The following CNTNAP5 variants were observed in gnomAD, a reference collection of about 807,000 sequenced individuals.
The protein encoded by CNTNAP5 is contactin-associated protein-like 5.
A neutral mutation model predicts 150.2 loss-of-function variants in CNTNAP5; 72 were observed. The observed-to-expected ratio is 0.48, with a 90% confidence interval of 0.40 to 0.58. The LOEUF (loss-of-function observed/expected upper bound fraction) is 0.58, where lower values mean the gene tolerates loss of function less well. Among genes scored for constraint, CNTNAP5 ranks in the 20% least tolerant of loss-of-function variants. The probability of loss-of-function intolerance (pLI) is 0.00; values close to 1 mark genes in which losing one functional copy is unlikely to be tolerated. For missense variants in CNTNAP5, 1,636 were observed against 1,626.2 expected (o/e 1.01, Z -0.10); for synonymous variants, 672 against 619.8 (o/e 1.08, Z -1.25).
chr2:124,573,238 G>T (rs1213325020), intron 11 of CNTNAP5, among the ~76,000 whole-genome samples: 1 of 152,194 alleles, frequency 6.6e-6, no homozygotes, highest in East Asian at 1.9e-4. Context: ...AGGAAGGAAT[G>T]CAGGGTGTAT....
At chr2:124,361,893 C>T (rs1014195201) in intron 3 of CNTNAP5, among the ~76,000 whole-genome samples, 15 of 141,802 alleles carry the variant, frequency 1.1e-4, no homozygotes, top group African/African-American at 2.2e-4. Flanking sequence ...CAATGGCGGG[C>T]GCCCCTCCCC....
chr2:124,178,000 C>T (rs1021514301), intron 1 of CNTNAP5, among the ~76,000 whole-genome samples: 9 of 152,026 alleles, frequency 5.9e-5, no homozygotes, highest in Non-Finnish European at 1.0e-4. Flanking sequence ...GCACCCACAA[C>T]CACGCCTAGC....
chr2:124,490,399 GAGAA>G (rs1212396262), intron 7 of CNTNAP5, among the ~76,000 whole-genome samples: 4 of 134,188 alleles, frequency 3.0e-5, no homozygotes, highest in South Asian at 2.8e-4. Flanking sequence ...GGGAGGGAGG[GAGAA>G]AGGAAGGAAG....
At chr2:124,834,159 T>G (rs940958351) in intron 19 of CNTNAP5, among the ~76,000 whole-genome samples, 2 of 152,184 alleles carry the variant, frequency 1.3e-5, no homozygotes, top group African/African-American at 4.8e-5. Flanking sequence ...AATAAATTGC[T>G]GATAAATTGG....
intron 8 of CNTNAP5, among the ~76,000 whole-genome samples, chr2:124,513,499 T>C (rs1215670898): frequency 6.6e-6 from 1 of 152,178 alleles, no homozygotes; most frequent in African/African-American, 2.4e-5. Flanking sequence ...TAAGCAACCA[T>C]GGAAACAAGT....
intron 1 of CNTNAP5, among the ~76,000 whole-genome samples, chr2:124,061,660 A>G (rs1019293538): frequency 1.3e-4 from 20 of 152,222 alleles, no homozygotes; most frequent in African/African-American, 4.6e-4. Flanking sequence ...ACACACACAC[A>G]TCATTGACAA....
At chr2:124,604,682 G>A (rs1697061346) in intron 11 of CNTNAP5, among the ~76,000 whole-genome samples, 1 of 152,096 alleles carries the variant, frequency 6.6e-6, no homozygotes, top group Non-Finnish European at 1.5e-5. Context: ...GTTTGTCTTT[G>A]GGCAAAGTAC....
intron 19 of CNTNAP5, among the ~76,000 whole-genome samples, chr2:124,837,820 G>T (rs956816379): frequency 6.6e-6 from 1 of 152,130 alleles, no homozygotes; most frequent in Non-Finnish European, 1.5e-5. Flanking sequence ...TTCTTTGGCT[G>T]CTGCCTACAT....
chr2:124,754,214 G>A (rs1024125856), intron 14 of CNTNAP5, among the ~76,000 whole-genome samples: 8 of 152,106 alleles, frequency 5.3e-5, no homozygotes, highest in Non-Finnish European at 1.0e-4. Flanking sequence ...AATTCTGAGA[G>A]AAATAACAAT....
intron 1 of CNTNAP5, among the ~76,000 whole-genome samples, chr2:124,205,119 C>T (rs1223525405): frequency 6.6e-6 from 1 of 152,102 alleles, no homozygotes; most frequent in Non-Finnish European, 1.5e-5. Context: ...TGACCGTGTC[C>T]CCACCCAAAT....
At chr2:124,490,378 AGAGG>A (rs35775977) in intron 7 of CNTNAP5, among the ~76,000 whole-genome samples, 27,435 of 130,062 alleles carry the variant, frequency 0.21, 3,192 homozygotes, top group East Asian at 0.36. Flanking sequence ...AGAAAGAAAG[AGAGG>A]GAGGGAGGGA....
chr2:124,090,695 G>T (rs987020007), intron 1 of CNTNAP5, among the ~76,000 whole-genome samples: 2 of 152,116 alleles, frequency 1.3e-5, no homozygotes, highest in African/African-American at 4.8e-5. Context: ...AAAGAAGAAG[G>T]AAGTAGGTAT....
At chr2:124,176,758 C>A (rs1204335633) in intron 1 of CNTNAP5, among the ~76,000 whole-genome samples, 1 of 151,310 alleles carries the variant, frequency 6.6e-6, no homozygotes, top group Non-Finnish European at 1.5e-5. Context: ...TCTTTCTGGG[C>A]ATGGGGCAGA....
chr2:124,886,539 T>A (rs1678083986), intron 21 of CNTNAP5, among the ~76,000 whole-genome samples: 1 of 152,084 alleles, frequency 6.6e-6, no homozygotes, highest in Admixed American at 6.6e-5. Flanking sequence ...GACCCCAAAG[T>A]CATATTTCAT....
intron 1 of CNTNAP5, among the ~76,000 whole-genome samples, chr2:124,196,235 T>C (rs1241642492): frequency 2.6e-5 from 4 of 152,112 alleles, no homozygotes; most frequent in Non-Finnish European, 4.4e-5. Context: ...TGAGAAGGGC[T>C]AAGGGATAAG....
chr2:124,148,146 A>T (rs1335211188), intron 1 of CNTNAP5, among the ~76,000 whole-genome samples: 7 of 152,004 alleles, frequency 4.6e-5, no homozygotes, highest in Non-Finnish European at 1.0e-4. Context: ...TTTTTAACTA[A>T]ATTACTTTGG....
intron 15 of CNTNAP5, 21 bp downstream of exon 15, chr2:124,763,820 A>C (rs1217617829): frequency 6.2e-7 from 1 of 1,612,562 alleles, no homozygotes; most frequent in Non-Finnish European, 8.5e-7. Flanking sequence ...AATCGAAAGA[A>C]GCTTTCTCTC....
In CNTNAP5 at chr2:124,748,471, C is replaced by A. The variant is rs114807259; in HGVS notation, c.2234+1086C>A. Among the ~76,000 whole-genome samples, 955 of 152,226 alleles carry A rather than the reference C, an allele frequency of 6.3e-3. 12 individuals are homozygous for A. Among genetic ancestry groups the A allele is most frequent in the Admixed American group, 8.6e-3 (132 of 15,296 alleles). ...ATTGATTGTGAAAATATGTACAGAT[C>A]ATTTCCAAATATACTTTTGTTTTGA... On this transcript the variant is annotated intron_variant, in intron 14 of 23. Coordinates refer to ENST00000682447, the MANE Select transcript of CNTNAP5 (RefSeq NM_001367498.1).
intron 1 of CNTNAP5, among the ~76,000 whole-genome samples, chr2:124,139,820 A>G (rs577091081): frequency 1.3e-5 from 2 of 152,296 alleles, no homozygotes; most frequent in Non-Finnish European, 2.9e-5. Flanking sequence ...TCCGGTCTAC[A>G]GCTCCCAGCG....
Sources: gnomAD v4.1 joint callset for allele counts (sites outside exome capture counted in the v4.1 genomes callset) on GRCh38, gnomAD v4.1.1 for gene constraint, MANE v1.5 for transcripts, NCBI Gene and HGNC (gene_info 2026-07-23, HGNC 2026-07-21) for gene names.